The following FOCAD variants were observed in gnomAD, a reference collection of about 807,000 sequenced individuals.
FOCAD encodes the protein focadhesin.
A neutral mutation model predicts 225.6 loss-of-function variants in FOCAD; 198 were observed. The ratio of observed to expected loss-of-function variants is 0.88; its 90% CI spans 0.78 to 0.99. FOCAD has a LOEUF of 0.99. Among genes scored for constraint, FOCAD ranks in the 50% least tolerant of loss-of-function variants. The pLI is 0.00. For missense variants in FOCAD, 2,713 were observed against 2,123.6 expected (o/e 1.28, Z -5.46); for synonymous variants, 897 against 755.0 (o/e 1.19, Z -3.08).
intron 34 of FOCAD, among the ~76,000 whole-genome samples, chr9:20,951,347 C>T (rs1837669578): frequency 6.6e-6 from 1 of 152,108 alleles, no homozygotes; most frequent in East Asian, 1.9e-4. Context: ...TCTTTTTACT[C>T]CTTCTCTCTG....
intron 11 of FOCAD, among the ~76,000 whole-genome samples, chr9:20,794,750 C>T (rs1399216826): frequency 6.6e-6 from 1 of 152,124 alleles, no homozygotes; most frequent in East Asian, 1.9e-4. Flanking sequence ...ATTAATAGCA[C>T]ACTGGGTATT....
chr9:20,935,877 T>C (rs117928324), intron 28 of FOCAD, among the ~76,000 whole-genome samples: 1 of 152,342 alleles, frequency 6.6e-6, no homozygotes, highest in East Asian at 1.9e-4. Flanking sequence ...CCCTTCCCCA[T>C]GCTAACCCCA....
chr9:20,874,758 C>G lies in FOCAD; in HGVS notation c.2268C>G (p.Gly756=). The change falls in exon 19 of 44, where the codon GGC becomes GGG. Residue 756 remains glycine (G), a synonymous_variant. Transcript: ENST00000338382. ...AGGATGTGGATCTTTCAGTTCCTGG[C>G]TCTTGCTATCTCAAACTGTTGTCAC... ...DVEDVDLSVP[G]SCYLKLLSLT... is the part of the protein sequence containing the mutation. 1 of 1,613,686 alleles carries G rather than the reference C, an allele frequency of 6.2e-7. No homozygotes were observed. The highest frequency in any genetic ancestry group is 8.5e-7 in the Non-Finnish European group (1 of 1,179,718).
At chr9:20,961,623 TATATGTAATAAA>T (rs1838738933) in intron 35 of FOCAD, among the ~76,000 whole-genome samples, 1 of 152,204 alleles carries the variant, frequency 6.6e-6, no homozygotes, top group Non-Finnish European at 1.5e-5. Context: ...TATTTAGCTA[TATATGTAATAAA>T]AAGGGTTCAA....
intron 6 of FOCAD, among the ~76,000 whole-genome samples, chr9:20,759,248 T>TG (rs1563954543): frequency 6.6e-6 from 1 of 152,070 alleles, no homozygotes; most frequent in African/African-American, 2.4e-5. Flanking sequence ...GAGCCCGCAT[T>TG]GCCAAGTCAA....
At chr9:20,949,573 GTGGGAT>G in intron 32 of FOCAD, 25 bp from the exon 33 acceptor site, 1 of 1,563,462 alleles carries the variant, frequency 6.4e-7, no homozygotes, top group Non-Finnish European at 8.8e-7. Flanking sequence ...ATGGGGGTGG[GTGGGAT>G]GGGTATTTCT....
intron 18 of FOCAD, among the ~76,000 whole-genome samples, chr9:20,873,340 A>G (rs1369786822): frequency 6.6e-6 from 1 of 152,180 alleles, no homozygotes; most frequent in Admixed American, 6.5e-5. Flanking sequence ...AATCTTTAAG[A>G]CAACTCTCAA....
At chr9:20,812,341 G>A (rs933112347) in intron 11 of FOCAD, among the ~76,000 whole-genome samples, 4 of 146,430 alleles carry the variant, frequency 2.7e-5, no homozygotes, top group South Asian at 2.2e-4. Context: ...TAAACATTAT[G>A]TATTGTCTCA....
At chr9:20,923,895 G>T in intron 25 of FOCAD, 127 bp downstream of exon 25, 1 of 658,282 alleles carries the variant, frequency 1.5e-6, no homozygotes. Flanking sequence ...TACTTGATGG[G>T]CCTTTATACT....
At chr9:20,680,149 G>C (rs1428846859), upstream of FOCAD, among the ~76,000 whole-genome samples, 1 of 152,218 alleles carries the variant, frequency 6.6e-6, no homozygotes, top group Non-Finnish European at 1.5e-5. Context: ...AAGCTATTTA[G>C]TTAACGTGAT....
At chr9:20,665,072 T>C (rs7859426) in intron 2 of FOCAD, among the ~76,000 whole-genome samples, 123,663 of 151,952 alleles carry the variant, frequency 0.81, 50,400 homozygotes, top group South Asian at 0.87. Context: ...GGTAGAGTAC[T>C]CCAGTATGGG....
intron 39 of FOCAD, among the ~76,000 whole-genome samples, chr9:20,984,375 A>C (rs867773731): frequency 3.3e-5 from 5 of 152,182 alleles, no homozygotes; most frequent in Admixed American, 1.3e-4. Flanking sequence ...CTTCTTAAAA[A>C]TTGTTGAGGA....
intron 2 of FOCAD, among the ~76,000 whole-genome samples, chr9:20,679,121 A>ATGTGTGTGTGTGTGTGTGTG (rs539231126): frequency 4.1e-5 from 5 of 122,042 alleles, no homozygotes; most frequent in South Asian, 3.2e-4. Flanking sequence ...CAGTCTGTGT[A>ATGTGTGTGTGTGTGTGTGTG]TGTGTGTGTG....
intron 15 of FOCAD, among the ~76,000 whole-genome samples, chr9:20,826,240 T>C (rs773897129): frequency 1.4e-4 from 21 of 151,796 alleles, no homozygotes; most frequent in Non-Finnish European, 2.8e-4. Flanking sequence ...AAACTGGGAG[T>C]GTAGCATTTA....
chr9:20,913,081 A>T, intron 23 of FOCAD, 127 bp downstream of exon 23: 1 of 672,686 alleles, frequency 1.5e-6, no homozygotes, highest in South Asian at 1.9e-5. Context: ...AGGGGAAATG[A>T]CAGAAGAGCT....
At chr9:20,675,502 C>T (rs1026926495) in intron 2 of FOCAD, among the ~76,000 whole-genome samples, 16 of 152,180 alleles carry the variant, frequency 1.1e-4, no homozygotes, top group African/African-American at 3.6e-4. Context: ...CCAGATTCAT[C>T]ACAATATTCC....
At chr9:20,958,761 C>T (rs1278148160) in intron 35 of FOCAD, among the ~76,000 whole-genome samples, 1 of 152,056 alleles carries the variant, frequency 6.6e-6, no homozygotes, top group African/African-American at 2.4e-5. Context: ...TTTCTTTTTG[C>T]TTCCACATAT....
At chr9:20,946,862 T>A (rs766777383) in intron 30 of FOCAD, 42 bp downstream of exon 30, 20 of 1,606,986 alleles carry the variant, frequency 1.2e-5, no homozygotes, top group Non-Finnish European at 1.5e-5. Context: ...GTGGGTCTCA[T>A]GCTGCTGCTA....
intron 24 of FOCAD, 120 bp downstream of exon 24, chr9:20,917,057 T>A (rs1297881531): frequency 1.3e-6 from 1 of 748,034 alleles, no homozygotes; most frequent in Non-Finnish European, 2.1e-6. Context: ...ACTTTTCAAT[T>A]ATTTTTTTAA....
Sources: allele counts gnomAD v4.1 joint callset (sites outside exome capture counted in the v4.1 genomes callset), GRCh38; gene constraint gnomAD v4.1.1; transcripts MANE v1.5; gene names NCBI Gene and HGNC (gene_info 2026-07-23, HGNC 2026-07-21).